The following NECTIN3 variants were observed in gnomAD, a reference collection of about 807,000 sequenced individuals.
NECTIN3 encodes the protein nectin cell adhesion molecule 3, also known as nectin-3.
NECTIN3 carries 8 observed loss-of-function variants against 49.4 expected under a neutral mutation model. That is an observed-to-expected ratio of 0.16 (90% CI 0.10 to 0.29). The LOEUF (loss-of-function observed/expected upper bound fraction) is 0.29, where lower values mean the gene tolerates loss of function less well. Ranked by LOEUF, NECTIN3 falls within the 10% of genes least tolerant of loss-of-function variation. The pLI is 1.00. For missense variants in NECTIN3, 581 were observed against 654.6 expected (o/e 0.89, Z 1.23); for synonymous variants, 277 against 241.1 (o/e 1.15, Z -1.38).
intron 1 of NECTIN3, among the ~76,000 whole-genome samples, chr3:111,088,257 TC>T (rs984843394): frequency 2.6e-5 from 4 of 152,148 alleles, no homozygotes; most frequent in Non-Finnish European, 5.9e-5. Flanking sequence ...CTTTGTTGCT[TC>T]CCATTGCCAT....
At chr3:111,167,848 A>G (rs2035350081) in intron 7 of NECTIN3, among the ~76,000 whole-genome samples, 1 of 152,186 alleles carries the variant, frequency 6.6e-6, no homozygotes, top group Non-Finnish European at 1.5e-5. Flanking sequence ...AAAGATTAGG[A>G]CAGCATTATA....
chr3:111,072,458 T>C, intron 1 of NECTIN3: 1 of 1,535,310 alleles, frequency 6.5e-7, no homozygotes, highest in African/African-American at 1.4e-5. Context: ...TGCGCCGAAC[T>C]CCGGGTTTGC....
chr3:111,072,986 A>C (rs1157652057), intron 1 of NECTIN3: 1 of 155,196 alleles, frequency 6.4e-6, no homozygotes, highest in Non-Finnish European at 1.4e-5. Context: ...TTTTCTTCCC[A>C]GGTATGCCAG....
chr3:111,089,423 G>C (rs1323151569), intron 1 of NECTIN3, among the ~76,000 whole-genome samples: 2 of 143,726 alleles, frequency 1.4e-5, no homozygotes, highest in African/African-American at 2.5e-5. Flanking sequence ...GTGTGTGTGT[G>C]TGTGTGTATG....
intron 1 of NECTIN3, among the ~76,000 whole-genome samples, chr3:111,073,692 C>T (rs1412842041): frequency 6.6e-6 from 1 of 152,140 alleles, no homozygotes; most frequent in Non-Finnish European, 1.5e-5. Flanking sequence ...GGGGACCTTA[C>T]CAGTTTACTA....
Position 111,134,493 on chromosome 3 carries a change from T to C in NECTIN3, c.*278T>C, listed in dbSNP as rs2034508446. 1 of 1,064,270 alleles carries C rather than the reference T, an allele frequency of 9.4e-7. No homozygotes were observed. Among genetic ancestry groups the C allele is most frequent in the African/African-American group, 1.7e-5 (1 of 59,746 alleles). The allele number at this position is 1,064,270 out of a possible 1,614,324, so 65.9% of individuals were successfully genotyped here. On this transcript the variant is annotated 3_prime_UTR_variant, in exon 6 of 6. Transcript: ENST00000485303. ...TGAGGCACACAGGTAAGAAGAAATG[T>C]CAACATTAAATGTATGACTTACTTG... is the stretch of plus-strand genomic sequence containing the variant.
chr3:111,159,064 AGACT>A (rs1200809500), intron 7 of NECTIN3, among the ~76,000 whole-genome samples: 2 of 152,224 alleles, frequency 1.3e-5, no homozygotes, highest in Non-Finnish European at 1.5e-5. Flanking sequence ...GCTGACATTA[AGACT>A]GACTGAATTA....
At chr3:111,145,200 T>A (rs958002027) in intron 6 of NECTIN3, among the ~76,000 whole-genome samples, 1 of 152,160 alleles carries the variant, frequency 6.6e-6, no homozygotes, top group Non-Finnish European at 1.5e-5. Context: ...TCAAACTATA[T>A]CTTGCTAAAT....
At chr3:111,169,134 G>C in intron 7 of NECTIN3, among the ~76,000 whole-genome samples, 1 of 125,754 alleles carries the variant, frequency 8.0e-6, no homozygotes, top group South Asian at 2.5e-4. Context: ...CTGTCGCCCA[G>C]GCTGGAGTGC....
At chr3:111,153,124 A>T (rs1194884347) in intron 7 of NECTIN3, among the ~76,000 whole-genome samples, 1 of 151,870 alleles carries the variant, frequency 6.6e-6, no homozygotes, top group Non-Finnish European at 1.5e-5. Flanking sequence ...TCAAATAAGG[A>T]TTGAGTATTT....
intron 5 of NECTIN3, among the ~76,000 whole-genome samples, chr3:111,144,034 G>A (rs1237304776): frequency 2.0e-5 from 3 of 152,008 alleles, no homozygotes; most frequent in Non-Finnish European, 2.9e-5. Context: ...ATACTTACAC[G>A]TAAAGATTGT....
chr3:111,153,036 G>A (rs1477852), intron 7 of NECTIN3, among the ~76,000 whole-genome samples: 5,977 of 151,954 alleles, frequency 0.039, 370 homozygotes, highest in African/African-American at 0.14. Context: ...TTGGGATTAG[G>A]GAAGGGAGAG....
intron 1 of NECTIN3, 115 bp from the exon 2 acceptor site, chr3:111,111,899 ATGTGTGTGTGTGTGTG>A (rs10581136): frequency 3.8e-5 from 22 of 581,244 alleles, no homozygotes; most frequent in African/African-American, 1.5e-4. Context: ...GTGTGTGTGC[ATGTGTGTGTGTGTGTG>A]TGTGTGTGTG....
chr3:111,117,444 G>A (rs992820174), intron 2 of NECTIN3, among the ~76,000 whole-genome samples: 3 of 151,996 alleles, frequency 2.0e-5, no homozygotes, highest in Admixed American at 1.3e-4. Flanking sequence ...CAGTAATAAT[G>A]TTTGTTAAGA....
chr3:111,095,314 T>C (rs929172533), intron 1 of NECTIN3, among the ~76,000 whole-genome samples: 1 of 152,160 alleles, frequency 6.6e-6, no homozygotes, highest in African/African-American at 2.4e-5. Flanking sequence ...TATATTGAGT[T>C]TTATATTCAA....
chr3:111,146,943 C>T (rs1022394584), intron 6 of NECTIN3, among the ~76,000 whole-genome samples: 1 of 151,996 alleles, frequency 6.6e-6, no homozygotes, highest in African/African-American at 2.4e-5. Flanking sequence ...ATGGTCTGTA[C>T]GTTGAAAATA....
intron 1 of NECTIN3, chr3:111,193,548 A>G (rs1283207043): frequency 1.3e-6 from 1 of 747,578 alleles, no homozygotes; most frequent in Non-Finnish European, 2.1e-6. Context: ...TCTTTTCTTC[A>G]TTAAGCGTTT....
Position 111,086,260 on chromosome 3 carries a change from C to T in NECTIN3, c.160+14083C>T, listed in dbSNP as rs537372742. 8.3e-4 allele frequency among the ~76,000 whole-genome samples: 127 copies of T among 152,224 alleles called. 2 individuals carry two copies. In the South Asian group the frequency reaches 0.025, roughly 30 times the overall value. On this transcript the variant is annotated intron_variant, in intron 1 of 5. Transcript: ENST00000485303. ...GGCCATTTCACTCTGTGAATGGTTT[C>T]TGTTGATAAAAAGCAGTTCCTGAAT...
At chr3:111,113,662 C>T (rs2033566918) in intron 2 of NECTIN3, among the ~76,000 whole-genome samples, 1 of 152,066 alleles carries the variant, frequency 6.6e-6, no homozygotes, top group African/African-American at 2.4e-5. Context: ...GCATGAATAT[C>T]TGAAAACTCA....
Sources: gnomAD v4.1 joint callset for allele counts (sites outside exome capture counted in the v4.1 genomes callset) on GRCh38, gnomAD v4.1.1 for gene constraint, MANE v1.5 for transcripts, NCBI Gene and HGNC (gene_info 2026-07-23, HGNC 2026-07-21) for gene names.